PLPP4: variants seen among roughly 807,000 people sequenced by gnomAD.
The protein encoded by PLPP4 is phospholipid phosphatase 4.
A neutral mutation model predicts 32.2 loss-of-function variants in PLPP4; 20 were observed. The ratio of observed to expected loss-of-function variants is 0.62; its 90% confidence interval spans 0.44 to 0.90. The LOEUF is 0.90. Ranked by LOEUF, PLPP4 falls within the 40% of genes least tolerant of loss-of-function variation. The pLI, the probability that PLPP4 is intolerant of heterozygous loss-of-function variation, is 0.00. For synonymous variants in PLPP4, 127 were observed against 133.0 expected (o/e 0.95, Z 0.31); for missense variants, 257 against 353.1 (o/e 0.73, Z 2.18).
intron 5 of PLPP4, among the ~76,000 whole-genome samples, chr10:120,523,986 G>T (rs1363871196): frequency 6.6e-6 from 1 of 152,166 alleles, no homozygotes; most frequent in Non-Finnish European, 1.5e-5. Flanking sequence ...AGCATTTTCC[G>T]ACATGGCTGG....
At chr10:120,510,494 C>CGGA (rs1193475680) in intron 2 of PLPP4, among the ~76,000 whole-genome samples, 2 of 152,216 alleles carry the variant, frequency 1.3e-5, no homozygotes, top group Admixed American at 6.5e-5. Context: ...TACAAGGGAG[C>CGGA]ATCCCCACCT....
chr10:120,465,843 G>T (rs1488166808), intron 1 of PLPP4, among the ~76,000 whole-genome samples: 1 of 152,130 alleles, frequency 6.6e-6, no homozygotes, highest in African/African-American at 2.4e-5. Context: ...TCTTTTGTGT[G>T]ACTTTTTTGT....
chr10:120,517,393 C>G (rs373691494), intron 3 of PLPP4, among the ~76,000 whole-genome samples: 18 of 152,200 alleles, frequency 1.2e-4, no homozygotes, highest in African/African-American at 4.3e-4. Flanking sequence ...GGCCTCTCCA[C>G]AGTGCTCTGA....
intron 6 of PLPP4, among the ~76,000 whole-genome samples, chr10:120,581,765 C>T (rs1849526811): frequency 6.6e-6 from 1 of 151,656 alleles, no homozygotes; most frequent in African/African-American, 2.4e-5. Context: ...TCTCGTGATG[C>T]CCACTCCACT....
intron 5 of PLPP4, among the ~76,000 whole-genome samples, chr10:120,524,062 G>A (rs1255785051): frequency 1.3e-5 from 2 of 152,206 alleles, no homozygotes; most frequent in Non-Finnish European, 2.9e-5. Flanking sequence ...TTTGACAGAG[G>A]CAATTATATC....
chr10:120,581,221 A>C, intron 6 of PLPP4: 3 of 985,350 alleles, frequency 3.0e-6, no homozygotes, highest in Non-Finnish European at 3.6e-6. Context: ...TCTCACTGGC[A>C]TCCTTCCTTT....
chr10:120,589,266 G>A, intron 6 of PLPP4, 37 bp from the exon 7 acceptor site: 1 of 1,595,300 alleles, frequency 6.3e-7, no homozygotes, highest in South Asian at 1.1e-5. Context: ...TGAACAAATG[G>A]TAACCCATTT....
intron 5 of PLPP4, among the ~76,000 whole-genome samples, chr10:120,555,224 G>A (rs567603062): frequency 5.9e-5 from 9 of 152,180 alleles, no homozygotes; most frequent in Admixed American, 3.3e-4. Context: ...ATGGCTCCAT[G>A]GTAGAACTTT....
At chr10:120,547,443 A>G (rs893905930) in intron 5 of PLPP4, among the ~76,000 whole-genome samples, 5 of 152,204 alleles carry the variant, frequency 3.3e-5, no homozygotes, top group Non-Finnish European at 7.3e-5. Flanking sequence ...TATGTGTTTT[A>G]AAAATTGATA....
chr10:120,581,416 C>A, intron 6 of PLPP4: 2 of 556,918 alleles, frequency 3.6e-6, no homozygotes, highest in Non-Finnish European at 4.6e-6. Context: ...CCCTCAACTG[C>A]ATTTGGAATG....
intron 6 of PLPP4, among the ~76,000 whole-genome samples, chr10:120,579,675 T>C (rs1849388194): frequency 6.6e-6 from 1 of 152,174 alleles, no homozygotes; most frequent in Non-Finnish European, 1.5e-5. Flanking sequence ...CAGGACTCTC[T>C]TGAGTTCTCC....
At chr10:120,536,229 G>A (rs916000354) in intron 5 of PLPP4, among the ~76,000 whole-genome samples, 8 of 151,948 alleles carry the variant, frequency 5.3e-5, no homozygotes, top group Non-Finnish European at 1.0e-4. Context: ...GAAGACCCCA[G>A]ATAGGTAAAT....
chr10:120,560,803 CTG>C (rs1399369644), intron 5 of PLPP4, among the ~76,000 whole-genome samples: 4 of 152,120 alleles, frequency 2.6e-5, no homozygotes, highest in African/African-American at 9.6e-5. Flanking sequence ...ATGGTAAAAA[CTG>C]AAATTATTTT....
intron 2 of PLPP4, among the ~76,000 whole-genome samples, chr10:120,509,691 G>A (rs911945342): frequency 6.6e-6 from 1 of 152,152 alleles, no homozygotes; most frequent in Non-Finnish European, 1.5e-5. Flanking sequence ...CTGAGTTTTA[G>A]TTTGGTTATT....
intron 1 of PLPP4, among the ~76,000 whole-genome samples, chr10:120,491,963 T>C (rs937487886): frequency 5.9e-5 from 9 of 152,212 alleles, no homozygotes; most frequent in Non-Finnish European, 1.2e-4. Flanking sequence ...GGTCCACACA[T>C]ATTTGGTATA....
At chr10:120,580,927 T>C in intron 6 of PLPP4, 1 of 1,289,196 alleles carries the variant, frequency 7.8e-7, no homozygotes, top group South Asian at 1.2e-5. Flanking sequence ...GGGCCCACAG[T>C]CACATTTACC....
rs115622903 is a variant in PLPP4 at position 120,493,295 on chromosome 10, C to G, written c.57-10523C>G. ...TTCATTGAGGGTGTTTGACTTGTTC[C>G]TCTTCCCCTGTTGGGTCTAAGGGTT... On this transcript the variant is annotated intron_variant, in intron 1 of 6. Transcript: ENST00000398250. Among the ~76,000 whole-genome samples the G allele has an allele frequency of 4.6e-3, 699 of 152,252 alleles. 4 individuals carry two copies. Among genetic ancestry groups the G allele is most frequent in the African/African-American group, 0.016 (669 of 41,524 alleles).
At chr10:120,462,305 G>A (rs1256878476) in intron 1 of PLPP4, among the ~76,000 whole-genome samples, 2 of 152,114 alleles carry the variant, frequency 1.3e-5, no homozygotes, top group African/African-American at 4.8e-5. Context: ...GCAGGGCAGG[G>A]GTCATTCCCA....
intron 1 of PLPP4, among the ~76,000 whole-genome samples, chr10:120,499,003 C>T (rs1449388426): frequency 6.6e-6 from 1 of 152,166 alleles, no homozygotes; most frequent in African/African-American, 2.4e-5. Context: ...ACCCTCATCC[C>T]CAAAGGCACT....
Sources: gnomAD v4.1 joint callset for allele counts (sites outside exome capture counted in the v4.1 genomes callset) on GRCh38, gnomAD v4.1.1 for gene constraint, MANE v1.5 for transcripts, NCBI Gene and HGNC (gene_info 2026-07-23, HGNC 2026-07-21) for gene names.